Variants in COL8A1 observed in about 807,000 individuals in gnomAD.
COL8A1 encodes the protein collagen type VIII alpha 1 chain.
Under a neutral mutation model 42.7 loss-of-function variants are expected in COL8A1, and 21 were observed. The observed-to-expected ratio is 0.49, with a 90% CI of 0.35 to 0.71. The LOEUF is 0.71. Ranked by LOEUF, COL8A1 falls within the 30% of genes least tolerant of loss-of-function variation. COL8A1 has a pLI of 0.01. For missense variants in COL8A1, 788 were observed against 962.4 expected, an observed-to-expected ratio of 0.82 and a Z score of 2.40; for synonymous variants, 367 against 369.1, an observed-to-expected ratio of 0.99 and a Z score of 0.06.
chr3:99,776,940 C>T lies in COL8A1; in HGVS notation c.-3-13740C>T, dbSNP rs1397947112. On this transcript the variant is annotated intron_variant, in intron 2 of 3. Transcript: ENST00000652472. ...GGGAGTGTCCTTTATCATGCTAATG[C>T]ATTATAACTAGCATGTAACGAGCAG... is the stretch of plus-strand genomic sequence containing the variant. Among the ~76,000 whole-genome samples, 4 of 152,174 alleles carry T rather than the reference C, an allele frequency of 2.6e-5. No individual in the cohort carries two copies. In the South Asian group the frequency reaches 6.2e-4, roughly 24 times the overall value.
chr3:99,713,512 A>G (rs184240062), intron 1 of COL8A1, among the ~76,000 whole-genome samples: 242 of 152,240 alleles, frequency 1.6e-3, no homozygotes, highest in Non-Finnish European at 2.7e-3. Context: ...AGAATCCACG[A>G]GCTTCTATGG....
At chr3:99,756,792 G>A (rs1941262665) in intron 2 of COL8A1, among the ~76,000 whole-genome samples, 1 of 152,192 alleles carries the variant, frequency 6.6e-6, no homozygotes, top group Non-Finnish European at 1.5e-5. Context: ...TCACTTTGGG[G>A]ATACAAACGT....
chr3:99,722,197 C>T (rs73860417), intron 1 of COL8A1, among the ~76,000 whole-genome samples: 5,070 of 152,088 alleles, frequency 0.033, 284 homozygotes, highest in African/African-American at 0.11. Flanking sequence ...ATTTTGTTAC[C>T]ATGTGCTTTA....
At chr3:99,659,365 G>A (rs1938130577) in intron 1 of COL8A1, among the ~76,000 whole-genome samples, 1 of 152,186 alleles carries the variant, frequency 6.6e-6, no homozygotes, top group African/African-American at 2.4e-5. Flanking sequence ...GCATGGGCCA[G>A]TATAATCCAT....
intron 1 of COL8A1, among the ~76,000 whole-genome samples, chr3:99,696,886 C>A (rs1475684676): frequency 6.6e-6 from 1 of 152,020 alleles, no homozygotes; most frequent in East Asian, 1.9e-4. Context: ...ACCTCTTAAA[C>A]CCACTTTTTT....
intron 1 of COL8A1, among the ~76,000 whole-genome samples, chr3:99,730,504 T>C (rs1940472573): frequency 6.6e-6 from 1 of 152,110 alleles, no homozygotes; most frequent in South Asian, 2.1e-4. Context: ...CCAGAGTGAA[T>C]GATAGAGAAA....
chr3:99,782,937 C>CT (rs5851184), intron 2 of COL8A1, among the ~76,000 whole-genome samples: 111,616 of 152,002 alleles, frequency 0.73, 41,501 homozygotes, highest in African/African-American at 0.86. Flanking sequence ...TTTAGAATTT[C>CT]TTTTTAGGGG....
intron 1 of COL8A1, among the ~76,000 whole-genome samples, chr3:99,668,707 T>G (rs930344322): frequency 3.3e-5 from 5 of 152,034 alleles, no homozygotes; most frequent in Admixed American, 2.0e-4. Flanking sequence ...ATTTCCTTTC[T>G]GCAAATCCAG....
chr3:99,679,760 G>T (rs1427015267), intron 1 of COL8A1: 1 of 152,110 alleles, frequency 6.6e-6, no homozygotes, highest in Admixed American at 6.6e-5. Context: ...TGTAGAAAAG[G>T]TTCAATCTGT....
chr3:99,729,190 T>C (rs1940427061), intron 1 of COL8A1, among the ~76,000 whole-genome samples: 1 of 152,040 alleles, frequency 6.6e-6, no homozygotes, highest in African/African-American at 2.4e-5. Flanking sequence ...TAAATTATAG[T>C]ATGAGGGCCT....
intron 1 of COL8A1, among the ~76,000 whole-genome samples, chr3:99,735,211 G>A (rs1940665899): frequency 1.4e-5 from 2 of 142,400 alleles, no homozygotes; most frequent in Admixed American, 1.4e-4. Context: ...GTGAGAGAGG[G>A]CATCCCTGTC....
intron 1 of COL8A1, among the ~76,000 whole-genome samples, chr3:99,681,940 A>G (rs1370436904): frequency 6.6e-6 from 1 of 152,224 alleles, no homozygotes; most frequent in Non-Finnish European, 1.5e-5. Context: ...GTGATATGCA[A>G]CCAGGGTGTT....
intron 1 of COL8A1, among the ~76,000 whole-genome samples, chr3:99,663,450 T>C (rs1391202843): frequency 3.3e-5 from 5 of 152,182 alleles, no homozygotes; most frequent in Non-Finnish European, 7.4e-5. Flanking sequence ...GGCTGCAAAA[T>C]TCAAGCAAAT....
In COL8A1 at chr3:99,740,207, C is replaced by T. The variant is rs140239652; in HGVS notation, c.-128-4690C>T. 9.8e-4 allele frequency among the ~76,000 whole-genome samples: 149 copies of T among 152,320 alleles called. 3 individuals are homozygous for T. In the East Asian group the frequency reaches 0.022, roughly 23 times the overall value. On this transcript the variant is annotated intron_variant, in intron 1 of 3. Transcript: ENST00000652472. ...CAACAAGTCTCTAGGAAGTTCCAAGCTTTCCCACATTTTCCTGTCTTTCTC... is the reference window on the plus strand; with the variant it reads ...CAACAAGTCTCTAGGAAGTTCCAAGTTTTCCCACATTTTCCTGTCTTTCTC...
At chr3:99,658,423 G>T (rs1938097862) in intron 1 of COL8A1, among the ~76,000 whole-genome samples, 1 of 152,088 alleles carries the variant, frequency 6.6e-6, no homozygotes, top group African/African-American at 2.4e-5. Flanking sequence ...TTGACCTTCT[G>T]GCCTAGATAA....
At chr3:99,751,684 A>G (rs968232316) in intron 2 of COL8A1, among the ~76,000 whole-genome samples, 2 of 152,268 alleles carry the variant, frequency 1.3e-5, no homozygotes, top group African/African-American at 4.8e-5. Context: ...AACTTTAATT[A>G]TAACTCGAAT....
At chr3:99,703,434 A>C (rs527288891) in intron 1 of COL8A1, 1 of 152,294 alleles carries the variant, frequency 6.6e-6, no homozygotes, top group East Asian at 1.9e-4. Flanking sequence ...GAAAGATGTT[A>C]AATGCAGAGG....
chr3:99,688,842 A>C (rs1482428439), intron 1 of COL8A1, among the ~76,000 whole-genome samples: 1 of 152,114 alleles, frequency 6.6e-6, no homozygotes, highest in Non-Finnish European at 1.5e-5. Context: ...GCACTATTGA[A>C]ATTTGGACCA....
At chr3:99,790,658 G>A in intron 2 of COL8A1, 22 bp from the exon 3 acceptor site, 1 of 1,601,398 alleles carries the variant, frequency 6.2e-7, no homozygotes, top group South Asian at 1.1e-5. Context: ...TCACCAAGTT[G>A]GTGCATTGGT....
Sources: gnomAD v4.1 joint callset for allele counts (sites outside exome capture counted in the v4.1 genomes callset) on GRCh38, gnomAD v4.1.1 for gene constraint, MANE v1.5 for transcripts, NCBI Gene and HGNC (gene_info 2026-07-23, HGNC 2026-07-21) for gene names.